Variants in NRG1 observed in about 807,000 individuals in gnomAD.
The protein encoded by NRG1 is neuregulin 1.
NRG1 carries 18 observed loss-of-function variants against 63.8 expected under a neutral mutation model. The ratio of observed to expected loss-of-function variants is 0.28; its 90% CI spans 0.19 to 0.42. The LOEUF (loss-of-function observed/expected upper bound fraction) is 0.42, where lower values mean the gene tolerates loss of function less well. Ranked by LOEUF, NRG1 falls within the 10% of genes least tolerant of loss-of-function variation. NRG1 has a pLI of 1.00. For synonymous variants in NRG1, 302 were observed against 301.3 expected (o/e 1.00, Z -0.02); for missense variants, 762 against 814.7 (o/e 0.94, Z 0.79).
intron 1 of NRG1, among the ~76,000 whole-genome samples, chr8:32,200,486 C>G (rs1384130472): frequency 1.3e-5 from 2 of 152,050 alleles, no homozygotes; most frequent in Non-Finnish European, 2.9e-5. Flanking sequence ...TCCTCCCCAC[C>G]CCACCCCTGT....
intron 11 of NRG1, chr8:32,763,302 ATCT>A (rs1236497533): frequency 1.2e-6 from 2 of 1,614,008 alleles, no homozygotes; most frequent in Non-Finnish European, 1.7e-6. Flanking sequence ...CTCATCTTAG[ATCT>A]TCTTCCATTC....
chr8:31,953,259 C>T (rs574865051), intron 1 of NRG1, among the ~76,000 whole-genome samples: 31 of 152,042 alleles, frequency 2.0e-4, no homozygotes, highest in East Asian at 1.2e-3. Context: ...ACAAATATGA[C>T]GGATGGATAG....
chr8:31,781,523 T>C (rs2131615320), intron 1 of NRG1, among the ~76,000 whole-genome samples: 1 of 152,252 alleles, frequency 6.6e-6, no homozygotes, highest in South Asian at 2.1e-4. Flanking sequence ...CATATAATAT[T>C]AAGGAGATGG....
At chr8:31,836,389 A>G (rs1052225189) in intron 1 of NRG1, among the ~76,000 whole-genome samples, 20 of 152,116 alleles carry the variant, frequency 1.3e-4, no homozygotes, top group African/African-American at 4.8e-4. Flanking sequence ...GGAGCAAAAG[A>G]GTTGAAAGTA....
At chr8:32,358,937 A>G (rs1806840997) in intron 1 of NRG1, among the ~76,000 whole-genome samples, 1 of 152,166 alleles carries the variant, frequency 6.6e-6, no homozygotes, top group South Asian at 2.1e-4. Flanking sequence ...CTAAGAAATC[A>G]TGGGGCAGAG....
At chr8:32,178,057 G>C (rs1342335081) in intron 1 of NRG1, among the ~76,000 whole-genome samples, 1 of 151,946 alleles carries the variant, frequency 6.6e-6, no homozygotes, top group African/African-American at 2.4e-5. Flanking sequence ...GCAAGGGGAG[G>C]GGGAAGCATA....
chr8:32,286,805 T>C (rs117252817), intron 1 of NRG1, among the ~76,000 whole-genome samples: 8,403 of 152,204 alleles, frequency 0.055, 269 homozygotes, highest in South Asian at 0.07. Flanking sequence ...AAGACCAGCT[T>C]GGCCAACCTG....
intron 1 of NRG1, among the ~76,000 whole-genome samples, chr8:32,456,729 T>TG (rs1195067878): frequency 2.0e-5 from 3 of 152,184 alleles, no homozygotes; most frequent in Admixed American, 6.5e-5. Flanking sequence ...AGCTAAATTC[T>TG]GGGGGAGTCA....
At chr8:32,366,673 GTGTGTATATATATATATATATATATATA>G (rs1239682798) in intron 1 of NRG1, among the ~76,000 whole-genome samples, 96 of 42,972 alleles carry the variant, frequency 2.2e-3, no homozygotes, top group Middle Eastern at 0.018. Flanking sequence ...GTGTGTGTGT[GTGTGTATATATATATATATATATATATA>G]TATATATATA....
chr8:32,626,651 G>A (rs534045649), intron 5 of NRG1, among the ~76,000 whole-genome samples: 1 of 151,716 alleles, frequency 6.6e-6, no homozygotes, highest in East Asian at 1.9e-4. Flanking sequence ...CTGCCCTCCA[G>A]CCTGGGCGAC....
chr8:31,960,691 C>T (rs1391253400), intron 1 of NRG1, among the ~76,000 whole-genome samples: 2 of 152,200 alleles, frequency 1.3e-5, no homozygotes, highest in African/African-American at 4.8e-5. Context: ...GCTTAGAGTG[C>T]TAAACTGCAA....
chr8:32,677,464 C>T (rs1807435288), intron 5 of NRG1, among the ~76,000 whole-genome samples: 1 of 152,030 alleles, frequency 6.6e-6, no homozygotes, highest in African/African-American at 2.4e-5. Flanking sequence ...TGAGACCAGC[C>T]TGAGCAACAT....
chr8:32,771,715 A>AAAAAATATATATAT (rs1343943621), downstream of NRG1, among the ~76,000 whole-genome samples: 35 of 111,840 alleles, frequency 3.1e-4, no homozygotes, highest in African/African-American at 1.1e-3. Flanking sequence ...TTAAAAAAAA[A>AAAAAATATATATAT]ATATATATAT....
chr8:32,607,712 G>T (rs1845501525), intron 3 of NRG1, among the ~76,000 whole-genome samples: 1 of 152,116 alleles, frequency 6.6e-6, no homozygotes, highest in Admixed American at 6.5e-5. Flanking sequence ...ATTTGAATAT[G>T]TAGTGTTGAC....
downstream of NRG1, among the ~76,000 whole-genome samples, chr8:32,769,118 T>A (rs1831626567): frequency 6.6e-6 from 1 of 152,224 alleles, no homozygotes; most frequent in African/African-American, 2.4e-5. Context: ...TGCTCTATAG[T>A]CATTTAGCCA....
At chr8:32,070,390 T>C (rs1825577606) in intron 1 of NRG1, among the ~76,000 whole-genome samples, 1 of 152,184 alleles carries the variant, frequency 6.6e-6, no homozygotes, top group Non-Finnish European at 1.5e-5. Flanking sequence ...TGATATAATA[T>C]CTTTCAAATA....
intron 1 of NRG1, among the ~76,000 whole-genome samples, chr8:32,024,589 G>C (rs1816959018): frequency 6.6e-6 from 1 of 152,142 alleles, no homozygotes; most frequent in African/African-American, 2.4e-5. Flanking sequence ...CCTCAAGCTT[G>C]ATTTTTCATC....
chr8:32,201,495 A>C (rs981853746), intron 1 of NRG1, among the ~76,000 whole-genome samples: 2 of 151,822 alleles, frequency 1.3e-5, no homozygotes, highest in Non-Finnish European at 2.9e-5. Context: ...ATTTATTCCA[A>C]CCTCTCCTGG....
At chr8:32,738,419 T>TATAC (rs1554658443) in intron 6 of NRG1, among the ~76,000 whole-genome samples, 1 of 110,616 alleles carries the variant, frequency 9.0e-6, no homozygotes, top group East Asian at 3.0e-4. Flanking sequence ...ACGAATGGTA[T>TATAC]ATACATACAC....
Sources: gnomAD v4.1 joint callset for allele counts (sites outside exome capture counted in the v4.1 genomes callset) on GRCh38, gnomAD v4.1.1 for gene constraint, MANE v1.5 for transcripts, NCBI Gene and HGNC (gene_info 2026-07-23, HGNC 2026-07-21) for gene names.